SMG6: variants seen among roughly 807,000 people sequenced by gnomAD.
SMG6 encodes the protein SMG6 nonsense mediated mRNA decay factor.
In SMG6, 66 loss-of-function variants were observed where a neutral mutation model predicts 142.2. The ratio of observed to expected loss-of-function variants is 0.46; its 90% CI spans 0.38 to 0.57. The LOEUF is 0.57. SMG6 is among the 20% of genes least tolerant of loss of function. The pLI, the probability that SMG6 is intolerant of heterozygous loss-of-function variation, is 0.00. For missense variants in SMG6, 1,793 were observed against 1,832.0 expected (o/e 0.98, Z 0.39); for synonymous variants, 779 against 702.4 (o/e 1.11, Z -1.72).
At chr17:2,265,807 CT>C in intron 8 of SMG6, 1 of 199,848 alleles carries the variant, frequency 5.0e-6, no homozygotes, top group Non-Finnish European at 9.0e-6. Context: ...AATCATTAGT[CT>C]GTTTATATTA....
At chr17:2,167,394 G>T (rs1434306874) in intron 13 of SMG6, among the ~76,000 whole-genome samples, 1 of 152,094 alleles carries the variant, frequency 6.6e-6, no homozygotes, top group Non-Finnish European at 1.5e-5. Flanking sequence ...ACAAAGAATG[G>T]AGATCTAATG....
chr17:2,286,995 G>A (rs1355765112), intron 6 of SMG6, among the ~76,000 whole-genome samples: 1 of 140,250 alleles, frequency 7.1e-6, no homozygotes, highest in Non-Finnish European at 1.5e-5. Flanking sequence ...GCAGTGGCGT[G>A]ATCTTGGCTC....
At chr17:2,095,695 G>C (rs1380840391) in intron 13 of SMG6, among the ~76,000 whole-genome samples, 1 of 152,196 alleles carries the variant, frequency 6.6e-6, no homozygotes, top group Admixed American at 6.5e-5. Context: ...CAGCCCAAGG[G>C]AGAAGAAAAG....
In SMG6 at chr17:2,061,166, C is replaced by T. The variant is rs1248895796; in HGVS notation, c.*326G>A. 1 of 251,554 alleles carries T rather than the reference C, an allele frequency of 4.0e-6. No individual in the cohort carries two copies. The highest frequency in any genetic ancestry group is 7.9e-6 in the Non-Finnish European group (1 of 126,296). The allele number at this position is 251,554 out of a possible 1,614,324, so 15.6% of individuals were successfully genotyped here. A position where few individuals can be genotyped will look rare whatever the true frequency, so the allele number is the denominator to read the frequency against. ...GTCCCCAGGCGAGAAGGCCCTCCCT[C>T]AGCCTTGGAATGAGACGGGGGAGGG... On this transcript the variant is annotated 3_prime_UTR_variant, in exon 19 of 19. Coordinates refer to ENST00000263073, the MANE Select transcript of SMG6 (RefSeq NM_017575.5).
intron 13 of SMG6, among the ~76,000 whole-genome samples, chr17:2,159,578 A>G (rs2071111731): frequency 6.6e-6 from 1 of 152,214 alleles, no homozygotes; most frequent in African/African-American, 2.4e-5. Context: ...TGCTAGTGGG[A>G]GTATAAAAGG....
At chr17:2,296,473 G>A (rs1488032789) in intron 4 of SMG6, among the ~76,000 whole-genome samples, 4 of 152,134 alleles carry the variant, frequency 2.6e-5, no homozygotes, top group Admixed American at 6.6e-5. Flanking sequence ...CCCAGGCCGC[G>A]GACTGGTACC....
chr17:2,138,184 A>G (rs1334003474), intron 13 of SMG6, among the ~76,000 whole-genome samples: 1 of 152,148 alleles, frequency 6.6e-6, no homozygotes, highest in Non-Finnish European at 1.5e-5. Flanking sequence ...TTCAGAAAGA[A>G]GAAAAAAAAT....
chr17:2,169,063 T>A (rs1008519499), intron 13 of SMG6, among the ~76,000 whole-genome samples: 12 of 151,448 alleles, frequency 7.9e-5, no homozygotes, highest in Admixed American at 5.9e-4. Context: ...TTTTTTTTTT[T>A]AATCAGCCAG....
intron 13 of SMG6, among the ~76,000 whole-genome samples, chr17:2,113,863 C>T (rs1035820746): frequency 1.3e-5 from 2 of 152,208 alleles, no homozygotes; most frequent in African/African-American, 4.8e-5. Context: ...GTAACAAACC[C>T]ATGCATATAA....
At chr17:2,172,602 GTC>G in intron 13 of SMG6, 54 bp downstream of exon 13, 1 of 1,574,306 alleles carries the variant, frequency 6.4e-7, no homozygotes, top group Non-Finnish European at 8.7e-7. Flanking sequence ...GAATAAAAAA[GTC>G]TGGAGAATTA....
chr17:2,176,639 A>G (rs1231446598), intron 12 of SMG6, among the ~76,000 whole-genome samples: 1 of 152,198 alleles, frequency 6.6e-6, no homozygotes, highest in Non-Finnish European at 1.5e-5. Context: ...GGCTCCCAGA[A>G]TGATGGCCAG....
Position 2,085,684 on chromosome 17 carries a change from G to C in SMG6, c.3534+41C>G, listed in dbSNP as rs779295531. 1 of 1,576,058 alleles carries C rather than the reference G, an allele frequency of 6.3e-7. No homozygotes were observed. Among genetic ancestry groups the C allele is most frequent in the South Asian group, 1.1e-5 (1 of 87,416 alleles). On this transcript the variant is annotated intron_variant, in intron 14 of 18. Transcript: ENST00000263073. This position sits in a 1 kb window ranked among gnomAD's most constrained non-coding sequence, Gnocchi z 4.1. ...TGAAGCCACGAGCAGAATGGGGAGG[G>C]GGCCTTCCCTCTGCCACAGCGGGCT...
chr17:2,154,248 T>C (rs1332209719), intron 13 of SMG6, among the ~76,000 whole-genome samples: 5 of 142,370 alleles, frequency 3.5e-5, no homozygotes, highest in African/African-American at 5.4e-5. Context: ...GGGATGCATC[T>C]AGAGTGTGAC....
chr17:2,277,608 T>C (rs2074691227), intron 8 of SMG6, among the ~76,000 whole-genome samples: 1 of 152,218 alleles, frequency 6.6e-6, no homozygotes, highest in Admixed American at 6.5e-5. Context: ...CCCTGTGTGG[T>C]TTTTATTGCA....
At chr17:2,211,472 A>G (rs1211485278) in intron 10 of SMG6, among the ~76,000 whole-genome samples, 2 of 151,996 alleles carry the variant, frequency 1.3e-5, no homozygotes, top group Non-Finnish European at 2.9e-5. Flanking sequence ...AGACCATCCT[A>G]GCTAACACGG....
At chr17:2,229,954 G>T (rs955930798) in intron 10 of SMG6, among the ~76,000 whole-genome samples, 1 of 151,974 alleles carries the variant, frequency 6.6e-6, no homozygotes, top group Non-Finnish European at 1.5e-5. Context: ...GGGAGGCTGA[G>T]GTGGGCGGAT....
Position 2,292,894 on chromosome 17 carries a change from T to G in SMG6, c.2235A>C (p.Thr745=), listed in dbSNP as rs1357164701. ...ACCTGCGTGCTTTCCCATAATTCGC[T>G]GTATCACTGGCTTGCTCCCGGTACC... ...IARYREQASD[T]ANYGKARSWY... The change falls in exon 5 of 19, where the codon ACA becomes ACC. Residue 745 remains threonine, a synonymous_variant. Transcript: ENST00000263073. 6.2e-7 allele frequency: 1 copy of G among 1,614,080 alleles called. No homozygotes were observed. The highest frequency in any genetic ancestry group is 8.5e-7 in the Non-Finnish European group (1 of 1,179,948).
chr17:2,291,653 C>CCTAAGCCAGTAG (rs2075040002), intron 6 of SMG6, among the ~76,000 whole-genome samples: 3 of 102,694 alleles, frequency 2.9e-5, no homozygotes, highest in Non-Finnish European at 4.8e-5. Context: ...TGGAGGATCA[C>CCTAAGCCAGTAG]TTCGGCCCAG....
At chr17:2,276,535 T>G (rs1245582706) in intron 8 of SMG6, among the ~76,000 whole-genome samples, 1 of 149,492 alleles carries the variant, frequency 6.7e-6, no homozygotes. Context: ...CAGGCATACG[T>G]CATCACACCC....
Sources: allele counts gnomAD v4.1 joint callset (sites outside exome capture counted in the v4.1 genomes callset), GRCh38; gene constraint gnomAD v4.1.1; non-coding constraint Gnocchi (gnomAD v3.1); transcripts MANE v1.5; gene names NCBI Gene and HGNC (gene_info 2026-07-23, HGNC 2026-07-21).